Variants in PCMTD2 observed in about 807,000 individuals in gnomAD.
PCMTD2 encodes the protein protein-L-isoaspartate (D-aspartate) O-methyltransferase domain containing 2, also known as protein-L-isoaspartate O-methyltransferase domain-containing protein 2.
Under a neutral mutation model 33.4 loss-of-function variants are expected in PCMTD2, and 16 were observed. The ratio of observed to expected loss-of-function variants is 0.48; its 90% confidence interval spans 0.32 to 0.73. The LOEUF (loss-of-function observed/expected upper bound fraction) is 0.73. PCMTD2 is among the 30% of genes least tolerant of loss of function. The pLI, the probability that PCMTD2 is intolerant of heterozygous loss-of-function variation, is 0.03. For synonymous variants in PCMTD2, 161 were observed against 160.8 expected (o/e 1.00, Z -0.01); for missense variants, 374 against 449.9 (o/e 0.83, Z 1.53).
At chr20:64,266,537 G>A (rs916056061) in intron 4 of PCMTD2, among the ~76,000 whole-genome samples, 29 of 152,190 alleles carry the variant, frequency 1.9e-4, no homozygotes, top group African/African-American at 6.5e-4. Flanking sequence ...GATTACAGGT[G>A]TGAGCCACCG....
chr20:64,267,756 G>A, intron 4 of PCMTD2, 131 bp from the exon 5 acceptor site: 1 of 716,274 alleles, frequency 1.4e-6, no homozygotes, highest in Non-Finnish European at 2.3e-6. Context: ...CACATTAGGG[G>A]TCCGTATGTC....
At position 64,274,983 on chromosome 20, in the gene PCMTD2, A is replaced by T. The variant is rs960296511; in HGVS notation, c.*1383A>T. Reference sequence around the variant, plus strand: ...GATTCAGTATCCAGAGTTTATTTTTAATCTTAATCCTCAGCTTCTTGGGAG... The same window carrying T: ...GATTCAGTATCCAGAGTTTATTTTTTATCTTAATCCTCAGCTTCTTGGGAG... On this transcript the variant is annotated 3_prime_UTR_variant, in exon 6 of 6. Coordinates refer to ENST00000308824, the MANE Select transcript of PCMTD2 (RefSeq NM_018257.3). 1.3e-5 allele frequency: 2 copies of T among 152,194 alleles called. No individual in the cohort carries two copies. Among genetic ancestry groups the T allele is most frequent in the African/African-American group, 4.8e-5 (2 of 41,448 alleles). The allele number at this position is 152,194 out of a possible 1,614,324, so 9.4% of individuals were successfully genotyped here.
chr20:64,268,591 T>G (rs141783482), intron 5 of PCMTD2, among the ~76,000 whole-genome samples: 24 of 152,298 alleles, frequency 1.6e-4, no homozygotes, highest in African/African-American at 5.3e-4. Flanking sequence ...GTTTTAAAAT[T>G]TAAACGGCTC....
chr20:64,267,756 G>T (rs1985717374), intron 4 of PCMTD2, 131 bp from the exon 5 acceptor site: 2 of 716,156 alleles, frequency 2.8e-6, no homozygotes, highest in South Asian at 2.0e-5. Flanking sequence ...CACATTAGGG[G>T]TCCGTATGTC....
rs143605622 is a variant in PCMTD2, at chr20:64,267,713, A to G, written c.583-174A>G. Among the ~76,000 whole-genome samples, 49 of 152,332 alleles carry G rather than the reference A, an allele frequency of 3.2e-4. No individual in the cohort carries two copies. In the East Asian group the frequency reaches 6.7e-3, roughly 21 times the overall value. On this transcript the variant is annotated intron_variant, in intron 4 of 5. Transcript: ENST00000308824. ...TATTCAGGTTAGCATCTTTGCAGGA[A>G]TATTCATAAGGTAGATGTACTTCAT...
intron 5 of PCMTD2, among the ~76,000 whole-genome samples, chr20:64,269,852 C>CG (rs1555820246): frequency 2.1e-5 from 3 of 141,936 alleles, no homozygotes; most frequent in Non-Finnish European, 3.1e-5. Context: ...TGGGTGCTGG[C>CG]GTGTGGGGGG....
chr20:64,262,993 A>G (rs1322541249), intron 2 of PCMTD2: 1 of 152,220 alleles, frequency 6.6e-6, no homozygotes, highest in East Asian at 1.9e-4. Context: ...TGTATTAAGC[A>G]GGTGGGTCGA....
chr20:64,267,746 C>T, intron 4 of PCMTD2, 141 bp from the exon 5 acceptor site: 1 of 661,578 alleles, frequency 1.5e-6, no homozygotes, highest in South Asian at 2.3e-5. Context: ...CATGGCACAT[C>T]ACATTAGGGG....
intron 3 of PCMTD2, among the ~76,000 whole-genome samples, 186 bp from the exon 4 acceptor site, chr20:64,265,066 GAGTTCT>G (rs1406086285): frequency 6.6e-6 from 1 of 152,184 alleles, no homozygotes; most frequent in Non-Finnish European, 1.5e-5. Context: ...GGTATTTCTA[GAGTTCT>G]AGTTATATAG....
At position 64,275,061 on chromosome 20, in the gene PCMTD2, T is replaced by A. The variant is rs1986057600; in HGVS notation, c.*1461T>A. On this transcript the variant is annotated 3_prime_UTR_variant, in exon 6 of 6. Transcript: ENST00000308824. The stretch of plus-strand genomic sequence containing the variant: ...TCACCAGCTTAGCTTGAGCTCTGGT[T>A]ATTTTGGATCTTTTCTGCTTTTTTT... 6.6e-6 allele frequency: 1 copy of A among 152,190 alleles called. No individual in the cohort carries two copies. Among genetic ancestry groups the A allele is most frequent in the Non-Finnish European group, 1.5e-5 (1 of 68,026 alleles). The allele number at this position is 152,190 out of a possible 1,614,324, so 9.4% of individuals were successfully genotyped here.
intron 4 of PCMTD2, among the ~76,000 whole-genome samples, chr20:64,266,280 C>T (rs6090093): frequency 0.26 from 38,596 of 150,850 alleles, 6,073 homozygotes; most frequent in African/African-American, 0.44. Flanking sequence ...TATTTAGAGA[C>T]AGAGTCTCGC....
intron 5 of PCMTD2, among the ~76,000 whole-genome samples, chr20:64,272,487 T>A (rs1236900768): frequency 6.6e-6 from 1 of 152,222 alleles, no homozygotes; most frequent in African/African-American, 2.4e-5. Flanking sequence ...ATGGAGCAAA[T>A]GTTCATTGTG....
chr20:64,260,706 GTT>G (rs10585176), intron 2 of PCMTD2, among the ~76,000 whole-genome samples: 2,395 of 117,560 alleles, frequency 0.02, 46 homozygotes, highest in African/African-American at 0.077. Context: ...TGTTTTGTTG[GTT>G]TTTTTTTTTT....
At chr20:64,268,232 T>A (rs938668017) in intron 5 of PCMTD2, among the ~76,000 whole-genome samples, 1 of 152,260 alleles carries the variant, frequency 6.6e-6, no homozygotes, top group Admixed American at 6.5e-5. Context: ...TACAAAGAGC[T>A]GTTGCCGGTC....
rs1225737150 is a variant in PCMTD2, at chr20:64,273,621, A to C, written c.*21A>C. The C allele has an allele frequency of 6.6e-7, 1 of 1,512,356 alleles. No individual in the cohort carries two copies. The highest frequency in any genetic ancestry group is 2.3e-5 in the East Asian group (1 of 43,896). 93.7% of individuals were successfully genotyped at this position (1,512,356 alleles called of 1,614,324 possible). On this transcript the variant is annotated 3_prime_UTR_variant, in exon 6 of 6. Coordinates refer to ENST00000308824, the MANE Select transcript of PCMTD2 (RefSeq NM_018257.3). ...AATAAGTCTCCTGTTTGAAAGGGGG[A>C]AATAGGAAGAGCAGATTGCTGAGTG...
chr20:64,261,619 C>G (rs1228994554), intron 2 of PCMTD2, among the ~76,000 whole-genome samples: 3 of 151,290 alleles, frequency 2.0e-5, no homozygotes, highest in Non-Finnish European at 4.4e-5. Flanking sequence ...TTTTCTAAGT[C>G]TGTATAAATT....
chr20:64,267,864 T>G, intron 4 of PCMTD2, 23 bp from the exon 5 acceptor site: 1 of 1,607,490 alleles, frequency 6.2e-7, no homozygotes, highest in Non-Finnish European at 8.5e-7. Flanking sequence ...CTTTTGAATA[T>G]TCTCATTTTG....
chr20:64,260,181 G>C lies in PCMTD2; in HGVS notation c.216G>C (p.Val72=). The C allele has an allele frequency of 6.2e-7, 1 of 1,613,626 alleles. No homozygotes were observed. The highest frequency in any genetic ancestry group is 1.7e-5 in the Admixed American group (1 of 60,026). Residue 72 remains valine, a synonymous_variant, in exon 2 of 6, where the codon GTG becomes GTC. Transcript: ENST00000308824. ...CAGCCCCGTGCATCTACTCGGAGGTGATGGAAGCCCTAGATCTGCAGCCTG... is the reference window on the plus strand; with the variant it reads ...CAGCCCCGTGCATCTACTCGGAGGTCATGGAAGCCCTAGATCTGCAGCCTG... The part of the protein sequence containing the change: ...HLSAPCIYSE[V]MEALDLQPGL...
chr20:64,257,540 C>T (rs967073237), intron 1 of PCMTD2, among the ~76,000 whole-genome samples: 7 of 152,100 alleles, frequency 4.6e-5, no homozygotes, highest in African/African-American at 1.4e-4. Context: ...TTTGGTTTGG[C>T]GAAGAGCTTT....
Sources: gnomAD v4.1 joint callset for allele counts (sites outside exome capture counted in the v4.1 genomes callset) on GRCh38, gnomAD v4.1.1 for gene constraint, MANE v1.5 for transcripts, NCBI Gene and HGNC (gene_info 2026-07-23, HGNC 2026-07-21) for gene names.